GLIS3: variants seen among roughly 807,000 people sequenced by gnomAD.
The protein encoded by GLIS3 is zinc finger protein GLIS3.
In GLIS3, 53 loss-of-function variants were observed where a neutral mutation model predicts 78.6. The ratio of observed to expected loss-of-function variants is 0.67; its 90% CI spans 0.54 to 0.85. GLIS3 has a LOEUF of 0.85. GLIS3 is among the 40% of genes least tolerant of loss of function. The probability of loss-of-function intolerance (pLI) is 0.00; values close to 1 mark genes in which losing one functional copy is unlikely to be tolerated. For missense variants in GLIS3, 1,703 were observed against 1,231.1 expected, an observed-to-expected ratio of 1.38 and a Z score of -5.74; for synonymous variants, 684 against 509.9, an observed-to-expected ratio of 1.34 and a Z score of -4.60.
At chr9:4,459,547 T>C in the GLIS3 span, among the ~76,000 whole-genome samples, 1 of 152,210 alleles carries the variant, frequency 6.6e-6, no homozygotes, top group Non-Finnish European at 1.5e-5. Flanking sequence ...GAGGATCACT[T>C]AAGCCCAGGA....
At chr9:3,867,991 C>T (rs1393141132) in intron 8 of GLIS3, among the ~76,000 whole-genome samples, 1 of 152,118 alleles carries the variant, frequency 6.6e-6, no homozygotes, top group African/African-American at 2.4e-5. Flanking sequence ...AGAGGGGACA[C>T]TACCAGAGGA....
chr9:4,236,192 A>AT (rs1194748823), intron 2 of GLIS3, among the ~76,000 whole-genome samples: 2 of 145,172 alleles, frequency 1.4e-5, no homozygotes, highest in African/African-American at 5.1e-5. Context: ...CACAAAAAAA[A>AT]AAAAAAAAAA....
At chr9:4,390,176 T>G in the GLIS3 span, among the ~76,000 whole-genome samples, 1 of 152,138 alleles carries the variant, frequency 6.6e-6, no homozygotes, top group South Asian at 2.1e-4. Flanking sequence ...CATTCCAAAT[T>G]GTGGAGAATA....
rs562489292 is a variant in GLIS3 at position 3,964,816 on chromosome 9, G to A, written c.1711-27627C>T. Among the ~76,000 whole-genome samples, 5 of 152,254 alleles carry A rather than the reference G, an allele frequency of 3.3e-5. No homozygotes were observed. In the East Asian group the frequency reaches 9.7e-4, roughly 29 times the overall value. On this transcript the variant is annotated intron_variant, in intron 4 of 10. Coordinates refer to ENST00000381971, the MANE Select transcript of GLIS3 (RefSeq NM_001042413.2). Reference sequence around the variant, plus strand: ...TAGTAGGACATGAGTGTGAGGTAATGCTTTTTAAGGAAATTATGGTGCTCA... The same window carrying A: ...TAGTAGGACATGAGTGTGAGGTAATACTTTTTAAGGAAATTATGGTGCTCA...
chr9:4,438,381 C>T, the GLIS3 span, among the ~76,000 whole-genome samples: 1 of 152,186 alleles, frequency 6.6e-6, no homozygotes, highest in Non-Finnish European at 1.5e-5. Context: ...CAATTAAAGG[C>T]AAAATGACAA....
intron 2 of GLIS3, among the ~76,000 whole-genome samples, chr9:4,251,620 T>C (rs116815971): frequency 0.023 from 3,467 of 152,260 alleles, 97 homozygotes; most frequent in African/African-American, 0.071. Flanking sequence ...AAGGTTAATA[T>C]TTTCATGTGT....
intron 2 of GLIS3, among the ~76,000 whole-genome samples, chr9:4,267,994 T>C (rs536095695): frequency 8.5e-5 from 13 of 152,186 alleles, no homozygotes; most frequent in African/African-American, 2.9e-4. Flanking sequence ...TGTGTATATA[T>C]ATGTGTGTGA....
chr9:4,370,710 A>G, the GLIS3 span, among the ~76,000 whole-genome samples: 10 of 150,612 alleles, frequency 6.6e-5, no homozygotes, highest in South Asian at 1.2e-3. Flanking sequence ...TAAATAAAAT[A>G]TATTATTTTT....
chr9:3,925,860 C>T lies in GLIS3; in HGVS notation c.1983+6500G>A, dbSNP rs1471723539. The stretch of plus-strand genomic sequence containing the variant: ...TGTGACCAGAAATATGCCCTCGGAA[C>T]TTAATTCTCGTTTTATCAATTAGCC... On this transcript the variant is annotated intron_variant, in intron 6 of 10. Coordinates refer to ENST00000381971, the MANE Select transcript of GLIS3 (RefSeq NM_001042413.2). Among the ~76,000 whole-genome samples, 5 of 152,308 alleles carry T rather than the reference C, an allele frequency of 3.3e-5. No homozygotes were observed. The East Asian group carries it at 9.7e-4, about 29-fold the overall frequency.
the GLIS3 span, among the ~76,000 whole-genome samples, chr9:4,379,420 G>A: frequency 1.2e-4 from 19 of 152,338 alleles, no homozygotes; most frequent in South Asian, 3.9e-3. Flanking sequence ...ATATTGCAAA[G>A]CTGACTCTAA....
At position 4,032,114 on chromosome 9, in the gene GLIS3, C is replaced by T. The variant is rs556463065; in HGVS notation, c.1710+85654G>A. 2.0e-5 allele frequency among the ~76,000 whole-genome samples: 3 copies of T among 152,284 alleles called. No homozygotes were observed. In the South Asian group the frequency reaches 6.2e-4, roughly 32 times the overall value. On this transcript the variant is annotated intron_variant, in intron 4 of 10. Transcript: ENST00000381971. ...AGCAAGGGACACCAAGTGAGACCCA[C>T]CGTCAGGCAGATCTAAGTGCCTTCA...
the GLIS3 span, among the ~76,000 whole-genome samples, chr9:4,486,918 A>C: frequency 6.6e-6 from 1 of 152,158 alleles, no homozygotes; most frequent in African/African-American, 2.4e-5. Flanking sequence ...GGTTGGTCTC[A>C]AACTCCTGGC....
At chr9:4,129,184 G>A (rs1158728693) in intron 2 of GLIS3, among the ~76,000 whole-genome samples, 1 of 152,182 alleles carries the variant, frequency 6.6e-6, no homozygotes, top group African/African-American at 2.4e-5. Context: ...TATACCTCCA[G>A]ACTTCTCAGA....
intron 6 of GLIS3, among the ~76,000 whole-genome samples, chr9:3,921,849 T>C (rs920932374): frequency 6.6e-6 from 1 of 152,014 alleles, no homozygotes; most frequent in African/African-American, 2.4e-5. Context: ...TAATAAATTT[T>C]GAATAATCAA....
chr9:4,029,055 AG>A (rs1397423574), intron 4 of GLIS3, among the ~76,000 whole-genome samples: 4 of 152,194 alleles, frequency 2.6e-5, no homozygotes, highest in African/African-American at 9.6e-5. Flanking sequence ...TGTAGAAAGA[AG>A]AAAAAAAGAT....
At chr9:3,947,235 T>C (rs760408292) in intron 4 of GLIS3, among the ~76,000 whole-genome samples, 41 of 152,238 alleles carry the variant, frequency 2.7e-4, no homozygotes, top group Non-Finnish European at 2.2e-4. Flanking sequence ...TTGCCACTTC[T>C]TGCCTTCAGT....
intron 2 of GLIS3, among the ~76,000 whole-genome samples, chr9:4,171,231 A>C (rs577303499): frequency 2.6e-5 from 4 of 152,220 alleles, no homozygotes; most frequent in Non-Finnish European, 4.4e-5. Context: ...ACTCTTCACC[A>C]TAACAGTATA....
intron 9 of GLIS3, among the ~76,000 whole-genome samples, chr9:3,843,985 C>T (rs1411476859): frequency 6.6e-6 from 1 of 152,134 alleles, no homozygotes; most frequent in African/African-American, 2.4e-5. Context: ...GAAAGAATGA[C>T]ATAAAGAGTT....
At chr9:4,120,481 C>T (rs1219010626) in intron 3 of GLIS3, among the ~76,000 whole-genome samples, 1 of 152,138 alleles carries the variant, frequency 6.6e-6, no homozygotes, top group East Asian at 1.9e-4. Flanking sequence ...TTTTTAATTC[C>T]CCACGGACAC....
Sources: allele counts gnomAD v4.1 joint callset (sites outside exome capture counted in the v4.1 genomes callset), GRCh38; gene constraint gnomAD v4.1.1; transcripts MANE v1.5; gene names NCBI Gene and HGNC (gene_info 2026-07-23, HGNC 2026-07-21).